Variants in C4orf36 observed in about 807,000 individuals in gnomAD.
C4orf36 encodes the protein chromosome 4 open reading frame 36.
A neutral mutation model predicts 12.2 loss-of-function variants in C4orf36; 11 were observed. The ratio of observed to expected loss-of-function variants is 0.90; its 90% confidence interval spans 0.57 to 1.49. C4orf36 has a LOEUF of 1.49. Ranked by LOEUF, C4orf36 falls within the 40% of genes most tolerant of loss-of-function variation. The probability of loss-of-function intolerance (pLI) is 0.00; values close to 1 mark genes in which losing one functional copy is unlikely to be tolerated. For missense variants in C4orf36, 137 were observed against 133.9 expected (o/e 1.02, Z -0.11); for synonymous variants, 54 against 51.3 (o/e 1.05, Z -0.22).
the C4orf36 span, among the ~76,000 whole-genome samples, chr4:86,918,520 T>A: frequency 6.6e-6 from 1 of 152,196 alleles, no homozygotes; most frequent in Non-Finnish European, 1.5e-5. Flanking sequence ...GGAGAAATGT[T>A]TCCATTAGAA....
At chr4:86,903,056 T>A in the C4orf36 span, among the ~76,000 whole-genome samples, 139,583 of 152,006 alleles carry the variant, frequency 0.92, 64,950 homozygotes, top group Non-Finnish European at 0.99. Flanking sequence ...TTAGCAGCTT[T>A]AGAGATAATT....
the C4orf36 span, among the ~76,000 whole-genome samples, chr4:86,917,655 AAAG>A: frequency 6.6e-6 from 1 of 152,070 alleles, no homozygotes; most frequent in African/African-American, 2.4e-5. Context: ...GGAAGGAAGG[AAAG>A]AAGGAATTTA....
chr4:86,910,020 G>T, the C4orf36 span, among the ~76,000 whole-genome samples: 1 of 151,894 alleles, frequency 6.6e-6, no homozygotes, highest in Non-Finnish European at 1.5e-5. Flanking sequence ...ACAAGCACAG[G>T]AATGCAGCCA....
chr4:86,925,685 G>A, the C4orf36 span: 1 of 151,660 alleles, frequency 6.6e-6, no homozygotes, highest in African/African-American at 2.4e-5. Context: ...TAGATAACAT[G>A]TTCTTTCTTT....
At chr4:86,922,617 CTTG>C in the C4orf36 span, among the ~76,000 whole-genome samples, 198 of 152,244 alleles carry the variant, frequency 1.3e-3, 1 homozygote, top group African/African-American at 4.5e-3. Context: ...CCTAGATCTC[CTTG>C]TTGTAGATTT....
the C4orf36 span, chr4:86,933,151 TAAC>T: frequency 7.0e-5 from 10 of 142,510 alleles, no homozygotes; most frequent in Non-Finnish European, 3.1e-5. Flanking sequence ...AAAATAATAA[TAAC>T]TCACTGGCAT....
At chr4:86,913,540 C>T in the C4orf36 span, 12 of 968,706 alleles carry the variant, frequency 1.2e-5, no homozygotes, top group East Asian at 2.4e-5. Context: ...CCTCGGTCAT[C>T]GAAAAGAGCG....
upstream of C4orf36, among the ~76,000 whole-genome samples, chr4:86,892,782 C>A (rs1326923136): frequency 6.6e-6 from 1 of 152,194 alleles, no homozygotes; most frequent in Non-Finnish European, 1.5e-5. Context: ...TCAAAGCCCA[C>A]GTGTGATATT....
chr4:86,905,581 A>G, the C4orf36 span, among the ~76,000 whole-genome samples: 1 of 152,124 alleles, frequency 6.6e-6, no homozygotes, highest in African/African-American at 2.4e-5. Context: ...TGCATCTGGT[A>G]TGAAATGTTA....
At position 86,892,339 on chromosome 4, in the gene C4orf36, G is replaced by C. The variant is rs1193110091; in HGVS notation, c.-230C>G. Reference sequence around the variant, plus strand: ...GGGTACTGAGGTAAGAGCGCGCTGCGCTAAGCGCACATGGCCGCGCACACG... The same window carrying C: ...GGGTACTGAGGTAAGAGCGCGCTGCCCTAAGCGCACATGGCCGCGCACACG... On this transcript the variant is annotated 5_prime_UTR_variant, in exon 1 of 5. Coordinates refer to ENST00000295898, the MANE Select transcript of C4orf36 (RefSeq NM_144645.4). 2.2e-5 allele frequency: 22 copies of C among 985,496 alleles called. No homozygotes were observed. Among genetic ancestry groups the C allele is most frequent in the Non-Finnish European group, 2.7e-5 (22 of 829,966 alleles). The allele number at this position is 985,496 out of a possible 1,614,324, so 61.0% of individuals were successfully genotyped here.
At chr4:86,922,996 G>A in the C4orf36 span, among the ~76,000 whole-genome samples, 1 of 149,938 alleles carries the variant, frequency 6.7e-6, no homozygotes, top group Non-Finnish European at 1.5e-5. Context: ...AGTTGCCCAG[G>A]ATGGTCTCCA....
At chr4:86,923,593 A>G in the C4orf36 span, among the ~76,000 whole-genome samples, 1 of 152,122 alleles carries the variant, frequency 6.6e-6, no homozygotes, top group South Asian at 2.1e-4. Context: ...CCCTGTCTCT[A>G]CTAAAAATAC....
intron 4 of C4orf36, chr4:86,876,795 A>C (rs557880341): frequency 9.8e-6 from 13 of 1,326,222 alleles, no homozygotes; most frequent in Non-Finnish European, 1.3e-5. Context: ...ATAAAAAAAA[A>C]GAGATTTTCT....
At chr4:86,930,891 C>A in the C4orf36 span, among the ~76,000 whole-genome samples, 1 of 152,316 alleles carries the variant, frequency 6.6e-6, no homozygotes, top group African/African-American at 2.4e-5. Context: ...GTTCTTCTTA[C>A]AGCAAGTTCA....
chr4:86,932,808 A>G, the C4orf36 span, among the ~76,000 whole-genome samples: 1 of 151,282 alleles, frequency 6.6e-6, no homozygotes, highest in East Asian at 1.9e-4. Flanking sequence ...AAAAGCACCG[A>G]TGTCAGAAAC....
At chr4:86,919,648 T>C in the C4orf36 span, among the ~76,000 whole-genome samples, 3 of 152,098 alleles carry the variant, frequency 2.0e-5, no homozygotes, top group African/African-American at 7.2e-5. Flanking sequence ...TTTTAAATTA[T>C]GAATTCCATC....
upstream of C4orf36, among the ~76,000 whole-genome samples, chr4:86,893,556 A>G (rs932942328): frequency 2.6e-5 from 4 of 151,472 alleles, no homozygotes; most frequent in African/African-American, 4.9e-5. Context: ...ACTGCATTCC[A>G]GCCTGGGCAA....
At chr4:86,921,482 G>A in the C4orf36 span, among the ~76,000 whole-genome samples, 1 of 152,108 alleles carries the variant, frequency 6.6e-6, no homozygotes, top group South Asian at 2.1e-4. Flanking sequence ...CTTGTAATAT[G>A]TATGTTTATT....
intron 4 of C4orf36, among the ~76,000 whole-genome samples, chr4:86,878,777 A>G (rs1478716562): frequency 6.6e-6 from 1 of 152,190 alleles, no homozygotes; most frequent in Non-Finnish European, 1.5e-5. Flanking sequence ...TTTGGATGCC[A>G]AGTTGGGGGG....
Sources: gnomAD v4.1 joint callset for allele counts (sites outside exome capture counted in the v4.1 genomes callset) on GRCh38, gnomAD v4.1.1 for gene constraint, MANE v1.5 for transcripts, NCBI Gene and HGNC (gene_info 2026-07-23, HGNC 2026-07-21) for gene names.